The following CECR2 variants were observed in gnomAD, a reference collection of about 807,000 sequenced individuals.
CECR2 encodes the protein chromatin remodeling regulator CECR2.
Under a neutral mutation model 154.5 loss-of-function variants are expected in CECR2, and 30 were observed. The observed-to-expected ratio is 0.19, with a 90% CI of 0.15 to 0.26. The LOEUF (loss-of-function observed/expected upper bound fraction) is 0.26, where lower values mean the gene tolerates loss of function less well. Among genes scored for constraint, CECR2 ranks in the 10% least tolerant of loss-of-function variants. CECR2 has a pLI of 1.00. For synonymous variants in CECR2, 725 were observed against 683.7 expected (o/e 1.06, Z -0.94); for missense variants, 1,743 against 1,829.3 (o/e 0.95, Z 0.86).
At chr22:17,453,097 A>G (rs2054796851) in intron 1 of CECR2, among the ~76,000 whole-genome samples, 2 of 152,188 alleles carry the variant, frequency 1.3e-5, no homozygotes, top group African/African-American at 4.8e-5. Flanking sequence ...GAATGAATAT[A>G]CCATAATTTT....
chr22:17,532,986 T>G (rs1378475536), intron 9 of CECR2, among the ~76,000 whole-genome samples: 1 of 151,736 alleles, frequency 6.6e-6, no homozygotes, highest in Non-Finnish European at 1.5e-5. Flanking sequence ...CGCTCATTAT[T>G]ATTCTATAAA....
upstream of CECR2, among the ~76,000 whole-genome samples, chr22:17,366,130 C>T (rs1244677056): frequency 6.6e-6 from 1 of 152,132 alleles, no homozygotes; most frequent in Non-Finnish European, 1.5e-5. Flanking sequence ...GTTAATGGCA[C>T]TGGCTCACAA....
chr22:17,456,002 C>G (rs1380418221), intron 1 of CECR2, among the ~76,000 whole-genome samples: 1 of 152,070 alleles, frequency 6.6e-6, no homozygotes, highest in Non-Finnish European at 1.5e-5. Context: ...TCAGCAGATC[C>G]AAAATCATGT....
At chr22:17,431,825 A>G (rs2054428717) in intron 1 of CECR2, among the ~76,000 whole-genome samples, 1 of 152,084 alleles carries the variant, frequency 6.6e-6, no homozygotes, top group South Asian at 2.1e-4. Context: ...CGTACAATTA[A>G]CTCATTTGAA....
chr22:17,547,470 T>C (rs930603679), intron 16 of CECR2, among the ~76,000 whole-genome samples: 1 of 152,184 alleles, frequency 6.6e-6, no homozygotes, highest in African/African-American at 2.4e-5. Flanking sequence ...GACCTCGTGA[T>C]CTGCCCGCCT....
At position 17,548,298 on chromosome 22, in the gene CECR2, A is replaced by T; in HGVS notation, c.3011A>T (p.Glu1004Val). The T allele has an allele frequency of 6.2e-7, 1 of 1,609,652 alleles. No individual in the cohort carries two copies. The highest frequency in any genetic ancestry group is 8.5e-7 in the Non-Finnish European group (1 of 1,177,982). The change falls in exon 17 of 19, where the codon GAG becomes GTG. Residue 1004 changes from glutamate (E) to valine (V), a missense_variant. This residue lies in a region of CECR2 where 1,250 missense variants were observed against 1,192.1 expected (regional missense o/e 1.05). Transcript: ENST00000262608. The part of the protein sequence containing the change: ...SPQERETVGP[E>V]LKSSSSESAD... ...CAAGAAAGGGAAACAGTGGGCCCGG[A>T]GCTCAAAAGCAGCTCCTCCGAATCT...
intron 2 of CECR2, among the ~76,000 whole-genome samples, chr22:17,490,612 A>T (rs1254583006): frequency 4.0e-5 from 6 of 149,606 alleles, no homozygotes; most frequent in East Asian, 3.9e-4. Context: ...TTTTTTTTTT[A>T]TTTTTATTTT....
intron 1 of CECR2, among the ~76,000 whole-genome samples, chr22:17,409,130 T>G (rs78962147): frequency 0.021 from 3,148 of 152,082 alleles, 113 homozygotes; most frequent in African/African-American, 0.072. Context: ...TCTTGTTTTT[T>G]TTTGTTTGTT....
chr22:17,415,219 CTCT>C (rs1425706353), intron 1 of CECR2, among the ~76,000 whole-genome samples: 2 of 151,700 alleles, frequency 1.3e-5, no homozygotes, highest in African/African-American at 4.8e-5. Context: ...AATGAAGCTT[CTCT>C]TCTTCTCCTT....
intron 1 of CECR2, among the ~76,000 whole-genome samples, chr22:17,465,201 T>G (rs542684502): frequency 1.2e-4 from 19 of 152,118 alleles, no homozygotes; most frequent in Non-Finnish European, 2.5e-4. Context: ...TTTCACCGTG[T>G]TAGCCAGGAT....
chr22:17,388,055 A>G (rs2063285631), intron 1 of CECR2, among the ~76,000 whole-genome samples: 1 of 151,960 alleles, frequency 6.6e-6, no homozygotes, highest in Non-Finnish European at 1.5e-5. Context: ...CCCAGGTTCA[A>G]GTAATTCTCC....
chr22:17,446,765 C>G (rs1201206600), intron 1 of CECR2, among the ~76,000 whole-genome samples: 3 of 151,954 alleles, frequency 2.0e-5, no homozygotes, highest in African/African-American at 7.3e-5. Flanking sequence ...GAGTGAGCAG[C>G]AGCAAGATTT....
intron 1 of CECR2, among the ~76,000 whole-genome samples, chr22:17,405,698 G>A (rs528244549): frequency 8.0e-5 from 12 of 149,954 alleles, no homozygotes; most frequent in South Asian, 2.1e-4. Flanking sequence ...TAGAAATAGC[G>A]TTGAGTTATA....
chr22:17,379,820 T>C (rs2146466297), intron 1 of CECR2, among the ~76,000 whole-genome samples: 1 of 152,190 alleles, frequency 6.6e-6, no homozygotes, highest in South Asian at 2.1e-4. Context: ...CAAACGGTAT[T>C]GTGAGTGTGA....
At chr22:17,520,971 G>C (rs539781603) in intron 8 of CECR2, among the ~76,000 whole-genome samples, 1 of 152,108 alleles carries the variant, frequency 6.6e-6, no homozygotes, top group African/African-American at 2.4e-5. Flanking sequence ...TGGGATCACT[G>C]GGTCAAATGG....
At position 17,397,917 on chromosome 22, in the gene CECR2, C is replaced by T. The variant is rs141454911; in HGVS notation, c.126+28008C>T. ...TTGGAACATTAGCACGAGTTTCCAC[C>T]GTTTTGGGAAATTCTGTACCATGTC... is the stretch of plus-strand genomic sequence containing the variant. On this transcript the variant is annotated intron_variant, in intron 1 of 18. Coordinates refer to ENST00000262608, the MANE Select transcript of CECR2 (RefSeq NM_001290047.2). 1.6e-4 allele frequency among the ~76,000 whole-genome samples: 25 copies of T among 152,158 alleles called. 1 individual carries two copies. The East Asian group carries it at 4.3e-3, about 26-fold the overall frequency.
chr22:17,404,668 T>C (rs12628163), intron 1 of CECR2, among the ~76,000 whole-genome samples: 131,809 of 145,956 alleles, frequency 0.9, 59,731 homozygotes, highest in Admixed American at 0.93. Flanking sequence ...CCACCGCGCC[T>C]GGCCCTGGAC....
chr22:17,510,406 G>A (rs2055922341), intron 7 of CECR2, among the ~76,000 whole-genome samples: 1 of 151,960 alleles, frequency 6.6e-6, no homozygotes, highest in African/African-American at 2.4e-5. Flanking sequence ...GTAGTTTGAG[G>A]CTGCAGTGAG....
intron 1 of CECR2, among the ~76,000 whole-genome samples, chr22:17,453,901 A>G (rs538295003): frequency 5.3e-5 from 8 of 152,176 alleles, no homozygotes; most frequent in Non-Finnish European, 1.0e-4. Flanking sequence ...CTATTTCTTT[A>G]TGGCACCGGG....
Sources: allele counts gnomAD v4.1 joint callset (sites outside exome capture counted in the v4.1 genomes callset), GRCh38; gene constraint gnomAD v4.1.1; regional missense constraint gnomAD v4.1.1; transcripts MANE v1.5; gene names NCBI Gene and HGNC (gene_info 2026-07-23, HGNC 2026-07-21).